Variants in PALM2AKAP2 observed in about 807,000 individuals in gnomAD.
PALM2AKAP2 encodes PALM2-AKAP2 fusion protein.
PALM2AKAP2 carries 37 observed loss-of-function variants against 71.5 expected under a neutral mutation model. That is an observed-to-expected ratio of 0.52 (90% confidence interval 0.40 to 0.68). PALM2AKAP2 has a LOEUF of 0.68. Ranked by LOEUF, PALM2AKAP2 falls within the 30% of genes least tolerant of loss-of-function variation. The pLI is 0.00. For synonymous variants in PALM2AKAP2, 468 were observed against 478.8 expected (o/e 0.98, Z 0.29); for missense variants, 1,224 against 1,191.8 (o/e 1.03, Z -0.40).
At chr9:109,996,465 A>G (rs1429468646) in intron 6 of PALM2AKAP2, among the ~76,000 whole-genome samples, 2 of 152,254 alleles carry the variant, frequency 1.3e-5, no homozygotes, top group Non-Finnish European at 2.9e-5. Context: ...GGCACAGGCT[A>G]GCCAAAACAA....
chr9:110,167,564 G>T (rs555616327), intron 3 of PALM2AKAP2, among the ~76,000 whole-genome samples: 2 of 152,266 alleles, frequency 1.3e-5, no homozygotes, highest in East Asian at 3.9e-4. Context: ...AGGAAGGGAG[G>T]CTCTCCCTCA....
chr9:110,090,720 T>G (rs1057019798), intron 1 of PALM2AKAP2, among the ~76,000 whole-genome samples: 4 of 152,224 alleles, frequency 2.6e-5, no homozygotes, highest in African/African-American at 9.6e-5. Flanking sequence ...TGTGAATTAT[T>G]TATTTTTCCC....
At chr9:110,022,388 C>T (rs1216911127) in intron 7 of PALM2AKAP2, among the ~76,000 whole-genome samples, 1 of 152,092 alleles carries the variant, frequency 6.6e-6, no homozygotes, top group Non-Finnish European at 1.5e-5. Flanking sequence ...GCCCTGCTGG[C>T]CTTCCCATGG....
chr9:110,056,881 C>A (rs1833852601), intron 1 of PALM2AKAP2, among the ~76,000 whole-genome samples: 1 of 152,128 alleles, frequency 6.6e-6, no homozygotes, highest in Admixed American at 6.6e-5. Flanking sequence ...ATTATCAAAA[C>A]CATCTATAGC....
chr9:109,994,262 G>A (rs1030640845), intron 6 of PALM2AKAP2, among the ~76,000 whole-genome samples: 28 of 152,132 alleles, frequency 1.8e-4, no homozygotes, highest in African/African-American at 6.3e-4. Context: ...TGCACATGAC[G>A]GCAGAGGAAG....
intron 2 of PALM2AKAP2, among the ~76,000 whole-genome samples, chr9:110,140,814 A>G (rs549121615): frequency 6.6e-6 from 1 of 152,168 alleles, no homozygotes; most frequent in Admixed American, 6.5e-5. Context: ...GGGCTCCAAC[A>G]CTACAGCAGG....
At chr9:110,103,556 T>A (rs2118889192) in intron 1 of PALM2AKAP2, among the ~76,000 whole-genome samples, 1 of 152,352 alleles carries the variant, frequency 6.6e-6, no homozygotes, top group Non-Finnish European at 1.5e-5. Context: ...AAGAGGGGAA[T>A]TCCAAAGATT....
intron 6 of PALM2AKAP2, 127 bp from the exon 7 acceptor site, chr9:110,015,827 A>G (rs1832971087): frequency 1.2e-6 from 1 of 825,348 alleles, no homozygotes; most frequent in South Asian, 1.5e-5. Flanking sequence ...CAAGATAGGT[A>G]TAGAGCTATA....
chr9:109,885,876 T>G (rs1017642767), intron 3 of PALM2AKAP2, among the ~76,000 whole-genome samples: 1 of 152,226 alleles, frequency 6.6e-6, no homozygotes, highest in African/African-American at 2.4e-5. Context: ...CAGAAAATTC[T>G]ACCATTCTTC....
At chr9:109,757,614 T>C (rs1449405089) in intron 1 of PALM2AKAP2, among the ~76,000 whole-genome samples, 1 of 152,082 alleles carries the variant, frequency 6.6e-6, no homozygotes, top group African/African-American at 2.4e-5. Flanking sequence ...GTCCGCAATA[T>C]GTACAGTTGT....
intron 3 of PALM2AKAP2, 110 bp downstream of exon 9, chr9:110,156,607 G>C: frequency 3.0e-6 from 4 of 1,347,914 alleles, no homozygotes; most frequent in South Asian, 4.1e-5. Flanking sequence ...GTCAGCATTA[G>C]GGTTCCAGTA....
intron 3 of PALM2AKAP2, among the ~76,000 whole-genome samples, chr9:109,923,399 A>C (rs1830881878): frequency 6.6e-6 from 1 of 152,110 alleles, no homozygotes. Context: ...TTTCCTTCTG[A>C]TGTTATGTCC....
chr9:109,945,909 T>C (rs189575417), intron 6 of PALM2AKAP2: 5 of 152,348 alleles, frequency 3.3e-5, no homozygotes, highest in Non-Finnish European at 4.4e-5. Context: ...CACTAATTAC[T>C]ATTATGGGGG....
intron 1 of PALM2AKAP2, among the ~76,000 whole-genome samples, chr9:110,049,957 C>T (rs190796873): frequency 1.9e-4 from 29 of 152,306 alleles, no homozygotes; most frequent in Admixed American, 4.6e-4. Context: ...GGAGGTGACT[C>T]GTTTAGAGAG....
At chr9:109,942,420 C>G (rs1476541307) in intron 6 of PALM2AKAP2, among the ~76,000 whole-genome samples, 1 of 152,136 alleles carries the variant, frequency 6.6e-6, no homozygotes, top group African/African-American at 2.4e-5. Flanking sequence ...CTCTTGTGCC[C>G]TTATTTTAGC....
At chr9:109,957,861 A>G (rs1201268096) in intron 6 of PALM2AKAP2, among the ~76,000 whole-genome samples, 1 of 152,224 alleles carries the variant, frequency 6.6e-6, no homozygotes, top group Non-Finnish European at 1.5e-5. Context: ...TGTTGGAAAC[A>G]GCAGCACACG....
chr9:110,120,073 C>A (rs1228671238), intron 1 of PALM2AKAP2, among the ~76,000 whole-genome samples: 1 of 152,188 alleles, frequency 6.6e-6, no homozygotes, highest in Admixed American at 6.5e-5. Context: ...GGTTGTCATG[C>A]AATTATGATA....
rs117725685 is a variant in PALM2AKAP2 at position 110,092,761 on chromosome 9, T to G, written c.157-43366T>G. ...CCGCCTCTCTTTCCCCACTCAGCTG[T>G]GTTTCCCTCTGTGTTGGTTCTATTC... On this transcript the variant is annotated intron_variant, in intron 1 of 3. Coordinates refer to ENST00000374525, the Ensembl canonical transcript of PALM2AKAP2. 2.6e-5 allele frequency among the ~76,000 whole-genome samples: 4 copies of G among 152,342 alleles called. No homozygotes were observed. In the East Asian group the frequency reaches 7.7e-4, roughly 29 times the overall value.
At chr9:109,687,276 G>A (rs949558145) in intron 1 of PALM2AKAP2, among the ~76,000 whole-genome samples, 1 of 152,178 alleles carries the variant, frequency 6.6e-6, no homozygotes, top group African/African-American at 2.4e-5. Context: ...TTGAAGTCAT[G>A]CATTGACTTC....
Sources: allele counts gnomAD v4.1 joint callset (sites outside exome capture counted in the v4.1 genomes callset), GRCh38; gene constraint gnomAD v4.1.1; transcripts MANE v1.5; gene names NCBI Gene and HGNC (gene_info 2026-07-23, HGNC 2026-07-21).